Variants in FBXW7 observed in about 807,000 individuals in gnomAD.
FBXW7 encodes F-box/WD repeat-containing protein 7.
A neutral mutation model predicts 86.3 loss-of-function variants in FBXW7; 11 were observed. That is an observed-to-expected ratio of 0.13 (90% CI 0.08 to 0.21). FBXW7 has a LOEUF of 0.21. FBXW7 is among the 10% of genes least tolerant of loss of function. FBXW7 has a pLI of 1.00. For missense variants in FBXW7, 488 were observed against 847.4 expected, an observed-to-expected ratio of 0.58 and a Z score of 5.27; for synonymous variants, 313 against 297.9, an observed-to-expected ratio of 1.05 and a Z score of -0.52.
chr4:152,492,360 T>C (rs1745943348), intron 2 of FBXW7, among the ~76,000 whole-genome samples: 1 of 152,190 alleles, frequency 6.6e-6, no homozygotes. Flanking sequence ...TTTTAAAAGT[T>C]TTTTGTGGAC....
intron 2 of FBXW7, among the ~76,000 whole-genome samples, chr4:152,479,431 C>T (rs1744689000): frequency 2.0e-5 from 3 of 151,974 alleles, no homozygotes; most frequent in Admixed American, 2.0e-4. Context: ...ATAACATTTG[C>T]CTGTTAAATC....
chr4:152,327,558 A>C (rs997877373), intron 11 of FBXW7, among the ~76,000 whole-genome samples: 4 of 152,062 alleles, frequency 2.6e-5, no homozygotes, highest in African/African-American at 9.7e-5. Flanking sequence ...GAGAAAGTCA[A>C]AAAGTCCAGT....
intron 2 of FBXW7, among the ~76,000 whole-genome samples, chr4:152,531,060 AAC>A (rs60194504): frequency 1.3e-5 from 2 of 151,650 alleles, no homozygotes; most frequent in Non-Finnish European, 2.9e-5. Flanking sequence ...TGGGTGCTAA[AAC>A]ACACACACAC....
intron 6 of FBXW7, among the ~76,000 whole-genome samples, chr4:152,345,551 G>GC (rs1384725883): frequency 6.6e-6 from 1 of 151,714 alleles, no homozygotes; most frequent in Non-Finnish European, 1.5e-5. Flanking sequence ...AGTGTCCTGC[G>GC]CCCCATCCCC....
chr4:152,387,743 C>T lies in FBXW7; in HGVS notation c.501+23560G>A, dbSNP rs189177920. On this transcript the variant is annotated intron_variant, in intron 4 of 13. Transcript: ENST00000281708. ...TTTTTTTTTGAGACTGAGTCTTGCT[C>T]TGTTGCCTAGGCTGGAGTGCAGTGG... Among the ~76,000 whole-genome samples, 71 of 114,552 alleles carry T rather than the reference C, an allele frequency of 6.2e-4. No individual in the cohort carries two copies. In the Middle Eastern group the frequency reaches 0.031, roughly 50 times the overall value. 75.2% of individuals were successfully genotyped at this position (114,552 alleles called of 152,430 possible).
At chr4:152,498,012 G>T (rs988267462) in intron 2 of FBXW7, among the ~76,000 whole-genome samples, 2 of 152,116 alleles carry the variant, frequency 1.3e-5, no homozygotes, top group African/African-American at 4.8e-5. Flanking sequence ...ATAATCGTAA[G>T]GACTTTAGGA....
chr4:152,447,187 T>G (rs941733077), intron 2 of FBXW7, among the ~76,000 whole-genome samples: 1 of 152,238 alleles, frequency 6.6e-6, no homozygotes, highest in African/African-American at 2.4e-5. Flanking sequence ...ATACCACATG[T>G]GATGACAATT....
intron 2 of FBXW7, among the ~76,000 whole-genome samples, chr4:152,419,675 GA>G (rs1470737961): frequency 4.6e-5 from 7 of 152,194 alleles, no homozygotes; most frequent in Non-Finnish European, 1.0e-4. Flanking sequence ...TTACACCTCA[GA>G]AAACTGCAGG....
chr4:152,445,675 A>T (rs1375790728), intron 2 of FBXW7, among the ~76,000 whole-genome samples: 3 of 152,168 alleles, frequency 2.0e-5, no homozygotes, highest in Non-Finnish European at 4.4e-5. Flanking sequence ...TGGGAGGCCA[A>T]GCGGGGCAGA....
chr4:152,484,102 T>TC (rs1235494252), intron 2 of FBXW7, among the ~76,000 whole-genome samples: 1 of 152,176 alleles, frequency 6.6e-6, no homozygotes, highest in Non-Finnish European at 1.5e-5. Flanking sequence ...AGCTCTCTCT[T>TC]CATTTGTTTG....
chr4:152,510,015 GA>G (rs1423449688), intron 2 of FBXW7, among the ~76,000 whole-genome samples: 1 of 152,176 alleles, frequency 6.6e-6, no homozygotes, highest in Non-Finnish European at 1.5e-5. Flanking sequence ...TATAAGAGGG[GA>G]AATAAAGGGA....
intron 2 of FBXW7, among the ~76,000 whole-genome samples, chr4:152,437,071 G>A (rs1740449120): frequency 6.6e-6 from 1 of 152,172 alleles, no homozygotes; most frequent in African/African-American, 2.4e-5. Flanking sequence ...TATATACATA[G>A]TGAATCCTCT....
At chr4:152,349,021 T>C (rs983893503) in intron 5 of FBXW7, among the ~76,000 whole-genome samples, 1 of 152,196 alleles carries the variant, frequency 6.6e-6, no homozygotes, top group African/African-American at 2.4e-5. Flanking sequence ...ATTCCAATTA[T>C]GATGATTTTC....
At position 152,411,383 on chromosome 4, in the gene FBXW7, T is replaced by C. The variant is rs1409537457; in HGVS notation, c.421A>G (p.Asn141Asp). ...ATACTACTGGAGTTCGTGACACTGT[T>C]AGTATGTGTATGTTCATCTTCTCTG... ...SSREDEHTHT[N>D]SVTNSSSIVD... Residue 141 changes from asparagine (N) to aspartate (D), a missense_variant, in exon 4 of 14, where the codon AAC (asparagine) becomes GAC (aspartate). This residue lies in a region of FBXW7 where 230 missense variants were observed against 240.0 expected (regional missense o/e 0.96). Coordinates refer to ENST00000281708, the MANE Select transcript of FBXW7 (RefSeq NM_001349798.2). The C allele has an allele frequency of 6.2e-7, 1 of 1,613,674 alleles. No individual in the cohort carries two copies. The highest frequency in any genetic ancestry group is 8.5e-7 in the Non-Finnish European group (1 of 1,179,834).
At position 152,322,814 on chromosome 4, in the gene FBXW7, T is replaced by C. The variant is rs2126455411; in HGVS notation, c.*67A>G. On this transcript the variant is annotated 3_prime_UTR_variant, in exon 14 of 14. Transcript: ENST00000281708. ...TTTTTCTTTTTCTTTTCTTTTTTTC[T>C]TTTTGCAGGGGGAAGGGCAGGGAGT... The C allele has an allele frequency of 6.4e-7, 1 of 1,568,692 alleles. No individual in the cohort carries two copies. The highest frequency in any genetic ancestry group is 8.6e-7 in the Non-Finnish European group (1 of 1,161,286).
intron 2 of FBXW7, among the ~76,000 whole-genome samples, chr4:152,420,749 G>GT (rs563420141): frequency 1.5e-3 from 236 of 152,266 alleles, no homozygotes; most frequent in Non-Finnish European, 2.7e-3. Context: ...ACTGAGAGCA[G>GT]TAGGACTCAA....
intron 4 of FBXW7, among the ~76,000 whole-genome samples, chr4:152,409,875 T>C (rs925003408): frequency 1.3e-5 from 2 of 152,158 alleles, no homozygotes; most frequent in Admixed American, 1.3e-4. Context: ...TAATTGTTAT[T>C]CATGATTCAG....
rs539474551 is a variant in FBXW7, at chr4:152,385,529, G to GAAA, written c.501+25771_501+25773dup. On this transcript the variant is annotated intron_variant, in intron 4 of 13. Coordinates refer to ENST00000281708, the MANE Select transcript of FBXW7 (RefSeq NM_001349798.2). The stretch of plus-strand genomic sequence containing the variant: ...TAGAATTGAAAAGAACTTGGATTGG[G>GAAA]AAAATTAAAACTAAAATCAACAGTT... Among the ~76,000 whole-genome samples, 536 of 152,002 alleles carry GAAA rather than the reference G, an allele frequency of 3.5e-3. 4 individuals carry two copies. Among genetic ancestry groups the GAAA allele is most frequent in the Non-Finnish European group, 5.0e-3 (336 of 67,864 alleles).
chr4:152,498,390 G>C (rs979617271), intron 2 of FBXW7, among the ~76,000 whole-genome samples: 3 of 152,142 alleles, frequency 2.0e-5, no homozygotes, highest in Admixed American at 2.0e-4. Flanking sequence ...CAGACTCCTT[G>C]AGGAAGATGG....
Sources: gnomAD v4.1 joint callset for allele counts (sites outside exome capture counted in the v4.1 genomes callset) on GRCh38, gnomAD v4.1.1 for gene constraint, gnomAD v4.1.1 regional missense constraint, MANE v1.5 for transcripts, NCBI Gene and HGNC (gene_info 2026-07-23, HGNC 2026-07-21) for gene names.